Variants in PDE4D observed in about 807,000 individuals in gnomAD.
PDE4D encodes the protein phosphodiesterase 4D.
In PDE4D, 24 loss-of-function variants were observed where a neutral mutation model predicts 87.4. The observed-to-expected ratio is 0.27, with a 90% confidence interval of 0.20 to 0.39. The LOEUF (loss-of-function observed/expected upper bound fraction) is 0.39, where lower values mean the gene tolerates loss of function less well. Among genes scored for constraint, PDE4D ranks in the 10% least tolerant of loss-of-function variants. PDE4D has a pLI of 1.00. For synonymous variants in PDE4D, 384 were observed against 383.2 expected (o/e 1.00, Z -0.02); for missense variants, 714 against 1,041.0 (o/e 0.69, Z 4.32).
chr5:59,039,285 C>G (rs1213861166), intron 5 of PDE4D: 2 of 1,104,406 alleles, frequency 1.8e-6, no homozygotes, highest in Non-Finnish European at 2.2e-6. Context: ...TGCGACTTTT[C>G]AACTGTGCGG....
At chr5:60,283,380 G>A (rs1347589099) in intron 1 of PDE4D, among the ~76,000 whole-genome samples, 1 of 151,902 alleles carries the variant, frequency 6.6e-6, no homozygotes, top group Non-Finnish European at 1.5e-5. Flanking sequence ...ATACTTTTTT[G>A]TTACAAATGT....
At chr5:60,436,550 T>C (rs1744773141) in intron 1 of PDE4D, among the ~76,000 whole-genome samples, 1 of 152,060 alleles carries the variant, frequency 6.6e-6, no homozygotes, top group Non-Finnish European at 1.5e-5. Flanking sequence ...TCAAAGTAGA[T>C]TAAGATCAAG....
intron 5 of PDE4D, among the ~76,000 whole-genome samples, chr5:59,150,134 A>T (rs1486324842): frequency 6.6e-6 from 1 of 152,016 alleles, no homozygotes; most frequent in East Asian, 1.9e-4. Flanking sequence ...AATAGGTAGT[A>T]GTGGTGGTGA....
At chr5:60,258,546 A>G (rs1469126715) in intron 1 of PDE4D, among the ~76,000 whole-genome samples, 2 of 152,050 alleles carry the variant, frequency 1.3e-5, no homozygotes, top group Non-Finnish European at 2.9e-5. Context: ...CATACTTTTG[A>G]AAAGCAGTTT....
chr5:59,809,018 A>G (rs1768044824), intron 1 of PDE4D, among the ~76,000 whole-genome samples: 1 of 152,170 alleles, frequency 6.6e-6, no homozygotes, highest in Non-Finnish European at 1.5e-5. Context: ...TATTCAAAAC[A>G]TTCCAGTGAC....
chr5:59,642,386 C>T (rs982426374), intron 1 of PDE4D, among the ~76,000 whole-genome samples: 6 of 152,068 alleles, frequency 3.9e-5, no homozygotes, highest in African/African-American at 7.2e-5. Context: ...TACACTGATA[C>T]GGTTTGACTC....
At chr5:59,229,982 TC>T (rs1356760645) in intron 1 of PDE4D, among the ~76,000 whole-genome samples, 1 of 152,086 alleles carries the variant, frequency 6.6e-6, no homozygotes, top group Admixed American at 6.6e-5. Flanking sequence ...ATTTGGGGTT[TC>T]TCCATGTTGG....
chr5:59,190,089 T>C (rs1332812227), intron 3 of PDE4D, among the ~76,000 whole-genome samples: 1 of 152,190 alleles, frequency 6.6e-6, no homozygotes, highest in Non-Finnish European at 1.5e-5. Context: ...AAGGAAACCA[T>C]GATTTGGAAA....
At chr5:59,043,853 A>G (rs947980021) in intron 5 of PDE4D, among the ~76,000 whole-genome samples, 2 of 152,058 alleles carry the variant, frequency 1.3e-5, no homozygotes, top group South Asian at 2.1e-4. Context: ...ATGGTTTCCA[A>G]TTTCATCCAT....
At chr5:59,804,128 C>A (rs563901816) in intron 1 of PDE4D, among the ~76,000 whole-genome samples, 25 of 152,234 alleles carry the variant, frequency 1.6e-4, no homozygotes, top group Non-Finnish European at 2.9e-4. Context: ...CATCCATCAC[C>A]GGAGCAGTGT....
intron 1 of PDE4D, among the ~76,000 whole-genome samples, chr5:59,619,360 T>C (rs1190802005): frequency 6.6e-6 from 1 of 152,118 alleles, no homozygotes; most frequent in Non-Finnish European, 1.5e-5. Context: ...GTCTAGGATA[T>C]CCAGATGAAA....
At chr5:59,543,027 A>G (rs1286775093) in intron 1 of PDE4D, among the ~76,000 whole-genome samples, 2 of 152,188 alleles carry the variant, frequency 1.3e-5, no homozygotes, top group East Asian at 1.9e-4. Context: ...CTGGTAGAAT[A>G]GAAGAGATGA....
chr5:60,244,168 T>C (rs1233056377), intron 1 of PDE4D, among the ~76,000 whole-genome samples: 2 of 151,664 alleles, frequency 1.3e-5, no homozygotes, highest in Non-Finnish European at 2.9e-5. Context: ...GAGTGAACAA[T>C]CTGAAAAAGA....
chr5:59,904,331 A>G (rs553350806), intron 3 of PDE4D, among the ~76,000 whole-genome samples: 2 of 152,278 alleles, frequency 1.3e-5, no homozygotes, highest in African/African-American at 4.8e-5. Context: ...CAGGACTCCA[A>G]ACTAGAACCA....
intron 1 of PDE4D, among the ~76,000 whole-genome samples, chr5:59,270,981 T>C (rs772382892): frequency 8.5e-5 from 13 of 152,126 alleles, no homozygotes; most frequent in Non-Finnish European, 1.3e-4. Flanking sequence ...AAATTCTTGA[T>C]AGAGCTCTTT....
At position 59,929,287 on chromosome 5, in the gene PDE4D, A is replaced by T. The variant is rs561859745; in HGVS notation, c.272+59201T>A. 7.9e-5 allele frequency among the ~76,000 whole-genome samples: 12 copies of T among 152,318 alleles called. No individual in the cohort carries two copies. The South Asian group carries it at 2.3e-3, about 29-fold the overall frequency. ...CACTTCATTCTCCCTGTCCTTAGGTAATTTATGATATCAGCTTTAGCAATC... is the reference window on the plus strand; with the variant it reads ...CACTTCATTCTCCCTGTCCTTAGGTTATTTATGATATCAGCTTTAGCAATC... On this transcript the variant is annotated intron_variant, in intron 3 of 16. Transcript: ENST00000502484.
intron 1 of PDE4D, among the ~76,000 whole-genome samples, chr5:59,440,925 C>T (rs1797526052): frequency 6.6e-6 from 1 of 152,082 alleles, no homozygotes; most frequent in African/African-American, 2.4e-5. Context: ...TCATGGTATG[C>T]TTATCTTTGA....
intron 1 of PDE4D, among the ~76,000 whole-genome samples, chr5:59,464,186 T>C (rs1801207830): frequency 6.6e-6 from 1 of 151,988 alleles, no homozygotes; most frequent in African/African-American, 2.4e-5. Flanking sequence ...GACCTGACCG[T>C]CCCCCAGCCC....
intron 1 of PDE4D, among the ~76,000 whole-genome samples, chr5:60,469,511 T>C (rs1747657805): frequency 6.6e-6 from 1 of 152,206 alleles, no homozygotes; most frequent in Admixed American, 6.5e-5. Context: ...TATTGCACTT[T>C]GCTTTATTGC....
Sources: allele counts gnomAD v4.1 joint callset (sites outside exome capture counted in the v4.1 genomes callset), GRCh38; gene constraint gnomAD v4.1.1; transcripts MANE v1.5; gene names NCBI Gene and HGNC (gene_info 2026-07-23, HGNC 2026-07-21).